The following ANKRD13A variants were observed in gnomAD, a reference collection of about 807,000 sequenced individuals.
ANKRD13A encodes the protein ankyrin repeat domain-containing protein 13A.
ANKRD13A carries 48 observed loss-of-function variants against 81.3 expected under a neutral mutation model. The ratio of observed to expected loss-of-function variants is 0.59; its 90% CI spans 0.47 to 0.75. The LOEUF (loss-of-function observed/expected upper bound fraction) is 0.75, where lower values mean the gene tolerates loss of function less well. Ranked by LOEUF, ANKRD13A falls within the 30% of genes least tolerant of loss-of-function variation. The probability of loss-of-function intolerance (pLI) is 0.00; values close to 1 mark genes in which losing one functional copy is unlikely to be tolerated. For missense variants in ANKRD13A, 612 were observed against 734.0 expected (o/e 0.83, Z 1.92); for synonymous variants, 230 against 270.1 (o/e 0.85, Z 1.45).
In ANKRD13A at chr12:110,036,450, G is replaced by T. The variant is rs1892054249; in HGVS notation, c.1577+122G>T. 1.9e-6 allele frequency: 2 copies of T among 1,069,360 alleles called. No homozygotes were observed. The highest frequency in any genetic ancestry group is 2.2e-4 in the Middle Eastern group (1 of 4,494). The allele number at this position is 1,069,360 out of a possible 1,614,324, so 66.2% of individuals were successfully genotyped here. A position where few individuals can be genotyped will look rare whatever the true frequency, so the allele number is the denominator to read the frequency against. Reference sequence around the variant, plus strand: ...GATGTACGGTGCCACAAACTGGCAGGAAAGACTAGAAAAAGTAGGCCAGGA... The same window carrying T: ...GATGTACGGTGCCACAAACTGGCAGTAAAGACTAGAAAAAGTAGGCCAGGA... On this transcript the variant is annotated intron_variant, in intron 14 of 14. Transcript: ENST00000261739. The surrounding 1 kb of genome is among the most constrained non-coding windows in gnomAD (Gnocchi z 4.6).
intron 1 of ANKRD13A, among the ~76,000 whole-genome samples, chr12:110,011,002 G>A (rs1890489961): frequency 6.6e-6 from 1 of 152,166 alleles, no homozygotes. Context: ...CTACTAGGGA[G>A]GCTGATATGG....
intron 3 of ANKRD13A, among the ~76,000 whole-genome samples, chr12:110,014,789 C>CTTTTTTTTTTTTTTTTTTTTTT (rs761398140): frequency 1.5e-5 from 2 of 135,708 alleles, no homozygotes; most frequent in African/African-American, 6.2e-5. Context: ...CATTTCTCTT[C>CTTTTTTTTTTTTTTTTTTTTTT]TTTTTTTTTT....
intron 4 of ANKRD13A, among the ~76,000 whole-genome samples, chr12:110,017,553 G>A (rs78255092): frequency 0.027 from 4,037 of 152,224 alleles, 124 homozygotes; most frequent in African/African-American, 0.07. Context: ...ATAAAAGTAC[G>A]TAAAAGAATA....
chr12:109,999,581 C>G lies in ANKRD13A; in HGVS notation c.-108C>G. Reference sequence around the variant, plus strand: ...CAGCCGGCCGGCAGCGTAACACGCCCTACGCTCGCTTGCTCGCCGGCCTCA... The same window carrying G: ...CAGCCGGCCGGCAGCGTAACACGCCGTACGCTCGCTTGCTCGCCGGCCTCA... On this transcript the variant is annotated 5_prime_UTR_variant, in exon 1 of 15. Transcript: ENST00000261739. The surrounding 1 kb of genome is among the most constrained non-coding windows in gnomAD (Gnocchi z 4.3). 2.2e-6 allele frequency: 2 copies of G among 925,400 alleles called. No homozygotes were observed. Among genetic ancestry groups the G allele is most frequent in the Non-Finnish European group, 3.0e-6 (2 of 663,934 alleles). The allele number at this position is 925,400 out of a possible 1,614,324, so 57.3% of individuals were successfully genotyped here.
In ANKRD13A at chr12:110,037,606, G is replaced by A. The variant is rs764280908; in HGVS notation, c.*52G>A. On this transcript the variant is annotated 3_prime_UTR_variant, in exon 15 of 15. Transcript: ENST00000261739. ...AAAGCAGAGGCTGTGGGCTGTCACAGATGCTGTGTCAACCAGGGCCCTAGG... is the reference window on the plus strand; with the variant it reads ...AAAGCAGAGGCTGTGGGCTGTCACAAATGCTGTGTCAACCAGGGCCCTAGG... 6.4e-7 allele frequency: 1 copy of A among 1,568,242 alleles called. No homozygotes were observed. The highest frequency in any genetic ancestry group is 8.6e-7 in the Non-Finnish European group (1 of 1,157,912).
rs1231965110 is a variant in ANKRD13A, at chr12:110,016,388, G to C, written c.355G>C (p.Ala119Pro). 1.0e-5 allele frequency: 16 copies of C among 1,584,038 alleles called. No individual in the cohort carries two copies. In the Admixed American group the frequency reaches 2.7e-4, roughly 27 times the overall value. Residue 119 changes from alanine (A) to proline (P), a missense_variant and splice_region_variant, in exon 4 of 15, where the codon GCT becomes CCT. Coordinates refer to ENST00000261739, the MANE Select transcript of ANKRD13A (RefSeq NM_033121.2). ...VPELLQKILE[A>P]PDFYVQMKWE... is the part of the protein sequence containing the mutation. Reference sequence around the variant, plus strand: ...TTTTAAACCTTTGTCTGCCCTTCAGGCTCCGGATTTCTATGTGCAGATGAA... The same window carrying C: ...TTTTAAACCTTTGTCTGCCCTTCAGCCTCCGGATTTCTATGTGCAGATGAA...
intron 12 of ANKRD13A, among the ~76,000 whole-genome samples, 164 bp downstream of exon 12, chr12:110,030,922 C>T (rs1020734294): frequency 6.6e-6 from 1 of 151,882 alleles, no homozygotes; most frequent in African/African-American, 2.4e-5. Context: ...TGGAGAAACC[C>T]TGTCTCTACT....
At chr12:110,003,708 G>T (rs1222958141) in intron 1 of ANKRD13A, among the ~76,000 whole-genome samples, 1 of 152,218 alleles carries the variant, frequency 6.6e-6, no homozygotes, top group Non-Finnish European at 1.5e-5. Context: ...GGGGTGTCCA[G>T]TTGTCTGGTT....
intron 12 of ANKRD13A, among the ~76,000 whole-genome samples, chr12:110,033,062 T>C (rs1891793378): frequency 6.7e-6 from 1 of 149,726 alleles, no homozygotes; most frequent in South Asian, 2.1e-4. Flanking sequence ...TTTCTTTTTT[T>C]TTTTTTTTTT....
chr12:110,025,596 A>C, intron 7 of ANKRD13A, 146 bp from the exon 8 acceptor site: 1 of 654,870 alleles, frequency 1.5e-6, no homozygotes, highest in Middle Eastern at 2.8e-4. Flanking sequence ...CTTTCTCTGA[A>C]GGATCCTAAT....
chr12:110,036,250 G>A lies in ANKRD13A; in HGVS notation c.1510-11G>A. ...AGACGTATTCATGTCTATCACATTTGTCTTTGCCAGGAACTTTCAGGACCA... is the reference window on the plus strand; with the variant it reads ...AGACGTATTCATGTCTATCACATTTATCTTTGCCAGGAACTTTCAGGACCA... On this transcript the variant is annotated splice_polypyrimidine_tract_variant and intron_variant, in intron 13 of 14. Transcript: ENST00000261739. The surrounding 1 kb of genome is among the most constrained non-coding windows in gnomAD (Gnocchi z 4.6). 6.2e-7 allele frequency: 1 copy of A among 1,613,528 alleles called. No homozygotes were observed. Among genetic ancestry groups the A allele is most frequent in the South Asian group, 1.1e-5 (1 of 91,082 alleles).
Position 110,024,132 on chromosome 12 carries a change from A to G in ANKRD13A, c.801+20A>G, listed in dbSNP as rs765906228. On this transcript the variant is annotated intron_variant, in intron 7 of 14. Transcript: ENST00000261739. ...GCAAAGGTAAAAGGAAACTCTTAAAATAAGATTTAATATAGCTATTTAGCT... is the reference window on the plus strand; with the variant it reads ...GCAAAGGTAAAAGGAAACTCTTAAAGTAAGATTTAATATAGCTATTTAGCT... 2.3e-5 allele frequency: 36 copies of G among 1,578,048 alleles called. No individual in the cohort carries two copies. The highest frequency in any genetic ancestry group is 3.0e-5 in the Non-Finnish European group (35 of 1,164,306).
chr12:110,030,652 C>G lies in ANKRD13A; in HGVS notation c.1242C>G (p.Pro414=). 1 of 1,588,318 alleles carries G rather than the reference C, an allele frequency of 6.3e-7. No individual in the cohort carries two copies. The highest frequency in any genetic ancestry group is 8.6e-7 in the Non-Finnish European group (1 of 1,167,230). ...TTTTATTTTGTTTGTTAGAAATTCC[C>G]TTGTTTCATGTCTTAAATGCACGGA... ...PPGFPVKIEI[P]LFHVLNARIT... is the part of the protein sequence containing the mutation. The change falls in exon 12 of 15, where the codon CCC becomes CCG. Residue 414 remains proline (P), a synonymous_variant. Transcript: ENST00000261739.
rs1890957696 is a variant in ANKRD13A, at chr12:110,019,331, A to G, written c.734+3A>G. The stretch of plus-strand genomic sequence containing the variant: ...ACTAAAAATATTGCTTTTGAAAGGT[A>G]CAAATTTAGACTCTAAATTTTAATG... On this transcript the variant is annotated splice_donor_region_variant and intron_variant, in intron 6 of 14. Transcript: ENST00000261739. 6.3e-7 allele frequency: 1 copy of G among 1,589,140 alleles called. No homozygotes were observed. Among genetic ancestry groups the G allele is most frequent in the African/African-American group, 1.4e-5 (1 of 73,954 alleles).
In ANKRD13A at chr12:110,025,772, AC is replaced by A; in HGVS notation, c.834del (p.Ile280TyrfsTer6). 6.2e-7 allele frequency: 1 copy of A among 1,613,800 alleles called. No individual in the cohort carries two copies. The highest frequency in any genetic ancestry group is 8.5e-7 in the Non-Finnish European group (1 of 1,179,918). ...VYTVNNVNVITKIRTEHLTEE... is the reference protein window; with the variant it reads ...VYTVNNVNVIXKIRTEHLTEE... ...CACAGTAAACAATGTGAATGTGATC[AC>A]CAAAATACGCACAGAACATCTGACC... On this transcript the variant is annotated frameshift_variant, in exon 8 of 15. Coordinates refer to ENST00000261739, the MANE Select transcript of ANKRD13A (RefSeq NM_033121.2). LOFTEE classifies it high-confidence loss of function.
chr12:110,018,288 C>T lies in ANKRD13A; in HGVS notation c.401-57C>T. 1.9e-6 allele frequency: 3 copies of T among 1,557,290 alleles called. No individual in the cohort carries two copies. Among genetic ancestry groups the T allele is most frequent in the Non-Finnish European group, 2.6e-6 (3 of 1,141,510 alleles). On this transcript the variant is annotated intron_variant, in intron 4 of 14. Coordinates refer to ENST00000261739, the MANE Select transcript of ANKRD13A (RefSeq NM_033121.2). This position sits in a 1 kb window ranked among gnomAD's most constrained non-coding sequence, Gnocchi z 4.4. ...TTAAATCAGAATCCTGATTTCCTGG[C>T]CTAGGTATTCTTCTTGGCCCTTGAG...
At chr12:110,010,879 C>T (rs977872077) in intron 1 of ANKRD13A, among the ~76,000 whole-genome samples, 4 of 152,146 alleles carry the variant, frequency 2.6e-5, no homozygotes, top group Admixed American at 2.0e-4. Flanking sequence ...GTAGTTAGTA[C>T]CTGAATAACA....
At position 110,037,398 on chromosome 12, in the gene ANKRD13A, G is replaced by GTGCCCC; in HGVS notation, c.1618_1623dup (p.Cys540_Pro541dup). On this transcript the variant is annotated inframe_insertion, in exon 15 of 15. Coordinates refer to ENST00000261739, the MANE Select transcript of ANKRD13A (RefSeq NM_033121.2). ...GCCTCCTCACCAGCACAGAAGGCCT[G>GTGCCCC]TGCCCCAGCGCCCTGAGCGAGACAA... The GTGCCCC allele has an allele frequency of 6.2e-7, 1 of 1,614,230 alleles. No individual in the cohort carries two copies.
At chr12:110,022,994 T>C (rs1419172539) in intron 6 of ANKRD13A, among the ~76,000 whole-genome samples, 2 of 152,238 alleles carry the variant, frequency 1.3e-5, no homozygotes, top group Non-Finnish European at 2.9e-5. Context: ...CTAATTTCAT[T>C]GACCAAATCC....
Sources: gnomAD v4.1 joint callset for allele counts (sites outside exome capture counted in the v4.1 genomes callset) on GRCh38, gnomAD v4.1.1 for gene constraint, Gnocchi (gnomAD v3.1) non-coding constraint, MANE v1.5 for transcripts, NCBI Gene and HGNC (gene_info 2026-07-23, HGNC 2026-07-21) for gene names.